Variants in ZNF98 observed in about 807,000 individuals in gnomAD.
ZNF98 encodes the protein zinc finger protein 739.
A neutral mutation model predicts 12.8 loss-of-function variants in ZNF98; 8 were observed. The ratio of observed to expected loss-of-function variants is 0.63; its 90% confidence interval spans 0.37 to 1.13. The LOEUF (loss-of-function observed/expected upper bound fraction) is 1.13. Ranked by LOEUF, ZNF98 falls within the 50% of genes most tolerant of loss-of-function variation. The pLI is 0.01. For synonymous variants in ZNF98, 112 were observed against 223.5 expected, an observed-to-expected ratio of 0.50 and a Z score of 4.45; for missense variants, 379 against 666.1, an observed-to-expected ratio of 0.57 and a Z score of 4.74.
At chr19:22,404,161 A>T (rs1194084629) in intron 1 of ZNF98, among the ~76,000 whole-genome samples, 1 of 152,250 alleles carries the variant, frequency 6.6e-6, no homozygotes, top group African/African-American at 2.4e-5. Context: ...CGGAGCTTGC[A>T]GTGAGCTGAA....
chr19:22,406,772 G>A lies in ZNF98; in HGVS notation c.31-3260C>T, dbSNP rs373694416. Among the ~76,000 whole-genome samples the A allele has an allele frequency of 3.7e-3, 558 of 151,558 alleles. 3 individuals are homozygous for A. The highest frequency in any genetic ancestry group is 0.013 in the African/African-American group (534 of 41,332). On this transcript the variant is annotated intron_variant, in intron 1 of 3. Coordinates refer to ENST00000357774, the MANE Select transcript of ZNF98 (RefSeq NM_001098626.2). ...GCAGAGCTTGCAGTGAGCTGAGATC[G>A]CGCCACTGCACTCCAGCCTGGGCAA...
chr19:22,393,814 C>T (rs1194728109), intron 3 of ZNF98, among the ~76,000 whole-genome samples: 2 of 152,114 alleles, frequency 1.3e-5, no homozygotes, highest in Non-Finnish European at 2.9e-5. Context: ...GCAATGGCAA[C>T]AAAAGCCAAA....
chr19:22,412,411 C>A (rs944982469), intron 1 of ZNF98, among the ~76,000 whole-genome samples: 3 of 151,998 alleles, frequency 2.0e-5, no homozygotes, highest in Non-Finnish European at 4.4e-5. Flanking sequence ...ATTTTTGCAA[C>A]ACAGCTAAGG....
rs776585728 is a variant in ZNF98, at chr19:22,402,758, G to C, written c.253+31C>G. ...CTACTTTGGAGCTCTCATCTGTGTC[G>C]TCTGTTGTATTCACTTTCACTCTCA... is the stretch of plus-strand genomic sequence containing the variant. On this transcript the variant is annotated intron_variant, in intron 3 of 3. Transcript: ENST00000357774. The C allele has an allele frequency of 2.0e-6, 3 of 1,524,298 alleles. No individual in the cohort carries two copies. In the African/African-American group the frequency reaches 4.4e-5, roughly 22 times the overall value. 94.4% of individuals were successfully genotyped at this position (1,524,298 alleles called of 1,614,324 possible).
chr19:22,403,443 G>A lies in ZNF98; in HGVS notation c.100C>T (p.Gln34Ter). Residue 34 changes from glutamine (Q) to a stop codon, truncating the protein, a stop_gained, in exon 2 of 4, where the codon CAG (glutamine) becomes TAG (stop). Coordinates refer to ENST00000357774, the MANE Select transcript of ZNF98 (RefSeq NM_001098626.2). LOFTEE classifies it high-confidence loss of function. ...LEEWQCLDTA[Q>*]QNLYRNVMLE... Reference sequence around the variant, plus strand: ...ATCACATTCCTATATAAATTCTGCTGTGCGGTGTCCAGGCATTGCCACTCC... The same window carrying A: ...ATCACATTCCTATATAAATTCTGCTATGCGGTGTCCAGGCATTGCCACTCC... The A allele has an allele frequency of 6.2e-7, 1 of 1,609,878 alleles. No individual in the cohort carries two copies.
intron 3 of ZNF98, among the ~76,000 whole-genome samples, chr19:22,397,110 C>T (rs1361436728): frequency 1.7e-5 from 2 of 119,740 alleles, no homozygotes; most frequent in African/African-American, 5.7e-5. Flanking sequence ...CAGAGTGAGA[C>T]TCTGTCTCAA....
At chr19:22,403,729 G>GT (rs1316998715) in intron 1 of ZNF98, among the ~76,000 whole-genome samples, 2 of 152,234 alleles carry the variant, frequency 1.3e-5, no homozygotes, top group Non-Finnish European at 2.9e-5. Flanking sequence ...TCGAGGTATA[G>GT]ATGATACTTT....
intron 3 of ZNF98, among the ~76,000 whole-genome samples, chr19:22,394,308 C>G (rs1022264069): frequency 3.3e-5 from 5 of 150,170 alleles, no homozygotes; most frequent in Non-Finnish European, 7.4e-5. Flanking sequence ...ACTAGAAATA[C>G]CATTTGAGCC....
chr19:22,394,472 G>A (rs913832229), intron 3 of ZNF98, among the ~76,000 whole-genome samples: 13 of 152,162 alleles, frequency 8.5e-5, no homozygotes, highest in African/African-American at 3.1e-4. Flanking sequence ...TTAAGAAAAT[G>A]TGGCACGTAT....
At chr19:22,415,910 T>A (rs1599390888) in intron 1 of ZNF98, among the ~76,000 whole-genome samples, 2 of 132,322 alleles carry the variant, frequency 1.5e-5, no homozygotes, top group African/African-American at 2.9e-5. Flanking sequence ...TTGACCAACA[T>A]GGTGAAACCC....
intron 1 of ZNF98, among the ~76,000 whole-genome samples, chr19:22,416,021 G>A (rs2145122265): frequency 6.7e-6 from 1 of 149,676 alleles, no homozygotes. Flanking sequence ...GCAGGTGCCT[G>A]TAGTCCCAGC....
At position 22,398,895 on chromosome 19, in the gene ZNF98, T is replaced by C. The variant is rs369093622; in HGVS notation, c.253+3894A>G. Among the ~76,000 whole-genome samples, 123 of 151,410 alleles carry C rather than the reference T, an allele frequency of 8.1e-4. No individual in the cohort carries two copies. In the East Asian group the frequency reaches 0.013, roughly 16 times the overall value. The stretch of plus-strand genomic sequence containing the variant: ...GATAAAGCCACCATTAAAAATCAGC[T>C]AAGAAAAAATATATACAAGATTAGC... On this transcript the variant is annotated intron_variant, in intron 3 of 3. Transcript: ENST00000357774.
intron 1 of ZNF98, among the ~76,000 whole-genome samples, chr19:22,421,302 G>A (rs1377266307): frequency 1.3e-5 from 2 of 152,158 alleles, no homozygotes; most frequent in Non-Finnish European, 2.9e-5. Context: ...ATTTTCAGAA[G>A]AAACTGAAAA....
chr19:22,391,764 T>A lies in ZNF98; in HGVS notation c.1471A>T (p.Lys491Ter). ...KVIHTGEKPY[K>*]CEECGKAFNQ... Reference sequence around the variant, plus strand: ...AAAGCTTTGCCACATTCTTCACATTTGTAGGGCTTCTCTCCAGTATGAATT... The same window carrying A: ...AAAGCTTTGCCACATTCTTCACATTAGTAGGGCTTCTCTCCAGTATGAATT... The change falls in exon 4 of 4, where the codon AAA becomes TAA. Residue 491 changes from lysine (K) to a stop codon, truncating the protein, a stop_gained. Coordinates refer to ENST00000357774, the MANE Select transcript of ZNF98 (RefSeq NM_001098626.2). LOFTEE classifies it low-confidence loss of function (END_TRUNC). 6.2e-7 allele frequency: 1 copy of A among 1,602,944 alleles called. No individual in the cohort carries two copies. The highest frequency in any genetic ancestry group is 1.1e-5 in the South Asian group (1 of 89,142).
chr19:22,394,187 C>T (rs1379535501), intron 3 of ZNF98, among the ~76,000 whole-genome samples: 2 of 144,964 alleles, frequency 1.4e-5, no homozygotes, highest in Non-Finnish European at 3.0e-5. Flanking sequence ...CAGGAGACAA[C>T]AGGTGCTGGA....
chr19:22,392,929 A>T lies in ZNF98; in HGVS notation c.306T>A (p.Asn102Lys), dbSNP rs1568289712. The change falls in exon 4 of 4, where the codon AAT becomes AAA. Residue 102 changes from asparagine to lysine, a missense_variant. Asn to Lys is a moderately conservative substitution (Grantham distance 94). Around this residue, in one of 8 missense-constraint regions of ZNF98, gnomAD observed 223 missense variants for 261.6 expected, o/e 0.85. Transcript: ENST00000357774. ...TTCTCAGTATCACTTTTTGGAAATA[A>T]TTTTTTTTGCCCTGCTTTGGCCAAA... The part of the protein sequence containing the change: ...QDLWPKQGKK[N>K]YFQKVILRTY... 3 of 1,578,886 alleles carry T rather than the reference A, an allele frequency of 1.9e-6. No homozygotes were observed. Among genetic ancestry groups the T allele is most frequent in the Admixed American group, 1.9e-5 (1 of 51,946 alleles).
intron 1 of ZNF98, among the ~76,000 whole-genome samples, chr19:22,417,229 C>CAAAAAAAA (rs57152900): frequency 2.2e-5 from 1 of 45,482 alleles, no homozygotes; most frequent in Non-Finnish European, 3.6e-5. Flanking sequence ...AACTCCATCT[C>CAAAAAAAA]AAAAAAAAAA....
intron 3 of ZNF98, among the ~76,000 whole-genome samples, chr19:22,395,398 G>C (rs1210049728): frequency 6.6e-6 from 1 of 151,438 alleles, no homozygotes; most frequent in Non-Finnish European, 1.5e-5. Context: ...AGATTACAAT[G>C]TATACAAAAC....
chr19:22,393,703 T>A (rs1485651849), intron 3 of ZNF98, among the ~76,000 whole-genome samples: 2 of 152,146 alleles, frequency 1.3e-5, no homozygotes, highest in African/African-American at 4.8e-5. Flanking sequence ...ATTAAAGACT[T>A]AAATATTAGA....
Sources: allele counts gnomAD v4.1 joint callset (sites outside exome capture counted in the v4.1 genomes callset), GRCh38; gene constraint gnomAD v4.1.1; regional missense constraint gnomAD v4.1.1; transcripts MANE v1.5; gene names NCBI Gene and HGNC (gene_info 2026-07-23, HGNC 2026-07-21).